The following COMMD10 variants were observed in gnomAD, a reference collection of about 807,000 sequenced individuals.
The protein encoded by COMMD10 is COMM domain containing 10, also known as COMM domain-containing protein 10.
In COMMD10, 33 loss-of-function variants were observed where a neutral mutation model predicts 28.9. The ratio of observed to expected loss-of-function variants is 1.14; its 90% CI spans 0.87 to 1.53. COMMD10 has a LOEUF of 1.53. COMMD10 is among the 40% of genes most tolerant of loss of function. COMMD10 has a pLI of 0.00. For missense variants in COMMD10, 310 were observed against 233.4 expected (o/e 1.33, Z -2.14); for synonymous variants, 110 against 81.7 (o/e 1.35, Z -1.87).
intron 5 of COMMD10, among the ~76,000 whole-genome samples, chr5:116,202,065 T>A (rs1580544326): frequency 8.5e-6 from 1 of 117,816 alleles, no homozygotes; most frequent in Non-Finnish European, 1.6e-5. Context: ...GTCCCCAGAG[T>A]GTGATGTTCC....
At chr5:116,288,448 T>G (rs1176260005) in intron 5 of COMMD10, among the ~76,000 whole-genome samples, 1 of 151,854 alleles carries the variant, frequency 6.6e-6, no homozygotes, top group Non-Finnish European at 1.5e-5. Flanking sequence ...CTCGTTGGAG[T>G]TCTTTGAATT....
At chr5:116,164,442 G>C (rs557907084) in intron 5 of COMMD10, among the ~76,000 whole-genome samples, 1 of 152,176 alleles carries the variant, frequency 6.6e-6, no homozygotes, top group Non-Finnish European at 1.5e-5. Context: ...ACAAAGGTTA[G>C]GTAATTCTAT....
At position 116,131,943 on chromosome 5, in the gene COMMD10, G is replaced by C. The variant is rs116011114; in HGVS notation, c.400-2125G>C. Among the ~76,000 whole-genome samples, 1,107 of 152,146 alleles carry C rather than the reference G, an allele frequency of 7.3e-3. 14 individuals are homozygous for C. The highest frequency in any genetic ancestry group is 0.025 in the African/African-American group (1,032 of 41,544). On this transcript the variant is annotated intron_variant, in intron 4 of 6. Coordinates refer to ENST00000274458, the MANE Select transcript of COMMD10 (RefSeq NM_016144.4). ...TATAGATAATTAGTAATATGTTTTA[G>C]AACGTAGGAGTGGAAAGGTTGTTAT...
At chr5:116,131,645 G>C (rs1373076730) in intron 4 of COMMD10, among the ~76,000 whole-genome samples, 1 of 151,978 alleles carries the variant, frequency 6.6e-6, no homozygotes, top group African/African-American at 2.4e-5. Flanking sequence ...GCTGTTGTAG[G>C]TCACAAGGAT....
chr5:116,151,253 T>C (rs1484242382), intron 5 of COMMD10, among the ~76,000 whole-genome samples: 8 of 151,814 alleles, frequency 5.3e-5, no homozygotes, highest in South Asian at 4.2e-4. Flanking sequence ...CTGCTGGATT[T>C]GGTTTGCCAG....
chr5:116,141,122 TCCAATTTCATTG>T (rs796785435), intron 5 of COMMD10, among the ~76,000 whole-genome samples: 1 of 151,738 alleles, frequency 6.6e-6, no homozygotes, highest in East Asian at 1.9e-4. Flanking sequence ...GGTGTAAAGG[TCCAATTTCATTG>T]TTTTCACATG....
At chr5:116,247,055 A>G (rs1749970978) in intron 5 of COMMD10, among the ~76,000 whole-genome samples, 1 of 152,096 alleles carries the variant, frequency 6.6e-6, no homozygotes, top group Admixed American at 6.6e-5. Context: ...ATGGGAGAAA[A>G]TCTTTGCAAA....
At chr5:116,251,042 C>T (rs562571979) in intron 5 of COMMD10, among the ~76,000 whole-genome samples, 2 of 152,002 alleles carry the variant, frequency 1.3e-5, no homozygotes, top group South Asian at 4.2e-4. Context: ...GAAGCTTGCC[C>T]GTATCCAAAG....
intron 5 of COMMD10, among the ~76,000 whole-genome samples, chr5:116,186,777 G>A (rs1165871441): frequency 6.6e-6 from 1 of 152,146 alleles, no homozygotes; most frequent in African/African-American, 2.4e-5. Flanking sequence ...CAGTGCATCA[G>A]TTGTGTCCTT....
intron 5 of COMMD10, among the ~76,000 whole-genome samples, chr5:116,198,122 T>G (rs1299834754): frequency 6.6e-6 from 1 of 152,200 alleles, no homozygotes; most frequent in Non-Finnish European, 1.5e-5. Context: ...TACTCAGGAA[T>G]GTACATTGTA....
chr5:116,099,908 C>G (rs1353484189), intron 4 of COMMD10, among the ~76,000 whole-genome samples: 1 of 152,032 alleles, frequency 6.6e-6, no homozygotes, highest in Non-Finnish European at 1.5e-5. Context: ...TGCTTGGGAC[C>G]AGAAGTGTTT....
At chr5:116,138,982 A>T in intron 5 of COMMD10, among the ~76,000 whole-genome samples, 1 of 151,754 alleles carries the variant, frequency 6.6e-6, no homozygotes. Flanking sequence ...AAGCACAGAG[A>T]AGTTAAATAA....
chr5:116,108,964 G>A (rs1039659321), intron 4 of COMMD10, among the ~76,000 whole-genome samples: 7 of 152,052 alleles, frequency 4.6e-5, no homozygotes, highest in Non-Finnish European at 1.5e-5. Flanking sequence ...CTCCTGACCC[G>A]TTGTGCTTCC....
intron 4 of COMMD10, among the ~76,000 whole-genome samples, chr5:116,114,364 T>C (rs1450519049): frequency 1.3e-5 from 2 of 152,006 alleles, no homozygotes; most frequent in African/African-American, 4.8e-5. Context: ...GCAGCAGTAG[T>C]GGTAAGATGC....
At chr5:116,091,288 A>G (rs1750292170) in intron 3 of COMMD10, 99 bp downstream of exon 3, 3 of 543,880 alleles carry the variant, frequency 5.5e-6, no homozygotes, top group Non-Finnish European at 9.6e-6. Context: ...ATTAAAAAGT[A>G]TGCAAGATGG....
intron 5 of COMMD10, among the ~76,000 whole-genome samples, chr5:116,230,482 C>T (rs1486517299): frequency 1.3e-5 from 2 of 152,010 alleles, no homozygotes; most frequent in African/African-American, 4.8e-5. Context: ...GCTGGTACCT[C>T]ATAGATTTCT....
intron 5 of COMMD10, among the ~76,000 whole-genome samples, chr5:116,152,553 T>A (rs1410871237): frequency 6.7e-6 from 1 of 148,330 alleles, no homozygotes; most frequent in Non-Finnish European, 1.5e-5. Flanking sequence ...AAACACCCCA[T>A]TGAGGCAAGC....
At chr5:116,143,458 T>C (rs931661704) in intron 5 of COMMD10, among the ~76,000 whole-genome samples, 1 of 151,816 alleles carries the variant, frequency 6.6e-6, no homozygotes, top group Non-Finnish European at 1.5e-5. Context: ...AATATTGTTT[T>C]ACTAAAATTC....
intron 4 of COMMD10, among the ~76,000 whole-genome samples, chr5:116,106,805 CT>C: frequency 6.6e-6 from 1 of 151,992 alleles, no homozygotes; most frequent in East Asian, 1.9e-4. Flanking sequence ...GCAACCCCTC[CT>C]TTTTTTTGCT....
Sources: gnomAD v4.1 joint callset for allele counts (sites outside exome capture counted in the v4.1 genomes callset) on GRCh38, gnomAD v4.1.1 for gene constraint, MANE v1.5 for transcripts, NCBI Gene and HGNC (gene_info 2026-07-23, HGNC 2026-07-21) for gene names.